WIPF1: variants seen among roughly 807,000 people sequenced by gnomAD.
WIPF1 encodes the protein WAS/WASL-interacting protein family member 1.
Under a neutral mutation model 35.4 loss-of-function variants are expected in WIPF1, and 13 were observed. The ratio of observed to expected loss-of-function variants is 0.37; its 90% CI spans 0.24 to 0.58. WIPF1 has a LOEUF of 0.58. WIPF1 is among the 20% of genes least tolerant of loss of function. WIPF1 has a pLI of 0.74. For missense variants in WIPF1, 591 were observed against 667.0 expected (o/e 0.89, Z 1.25); for synonymous variants, 267 against 266.3 (o/e 1.00, Z -0.02).
chr2:174,682,632 G>A (rs1474783353), intron 1 of WIPF1: 1 of 151,198 alleles, frequency 6.6e-6, no homozygotes, highest in Admixed American at 6.6e-5. Context: ...ACGCGGCCTC[G>A]ACGTCCCCAG....
At chr2:174,652,182 C>T (rs976047871) in intron 1 of WIPF1, among the ~76,000 whole-genome samples, 1 of 152,208 alleles carries the variant, frequency 6.6e-6, no homozygotes, top group Non-Finnish European at 1.5e-5. Flanking sequence ...AACCTCTCCC[C>T]CATCACATTT....
chr2:174,657,958 CT>C (rs1302701888), intron 1 of WIPF1, among the ~76,000 whole-genome samples: 3 of 144,732 alleles, frequency 2.1e-5, no homozygotes, highest in Non-Finnish European at 4.6e-5. Flanking sequence ...ATTTCCTATT[CT>C]TTTTTTTCTC....
chr2:174,562,449 A>C lies in WIPF1; in HGVS notation c.*98T>G, dbSNP rs1335216315. Reference sequence around the variant, plus strand: ...CCCTCCCACCTTTCCTCCTGCCCATACATGAGGCACAAGGGAAGAAGCAGG... The same window carrying C: ...CCCTCCCACCTTTCCTCCTGCCCATCCATGAGGCACAAGGGAAGAAGCAGG... On this transcript the variant is annotated 3_prime_UTR_variant, in exon 8 of 8. Coordinates refer to ENST00000679041, the MANE Select transcript of WIPF1 (RefSeq NM_001375834.1). 11 of 1,592,286 alleles carry C rather than the reference A, an allele frequency of 6.9e-6. No individual in the cohort carries two copies. The highest frequency in any genetic ancestry group is 9.4e-6 in the Non-Finnish European group (11 of 1,168,540).
chr2:174,596,696 T>C (rs1194682312), intron 1 of WIPF1, among the ~76,000 whole-genome samples: 2 of 152,148 alleles, frequency 1.3e-5, no homozygotes, highest in Non-Finnish European at 2.9e-5. Flanking sequence ...GAGACCAGCC[T>C]GACCAACATG....
chr2:174,581,829 TC>T (rs1685251016), intron 2 of WIPF1, among the ~76,000 whole-genome samples: 1 of 152,132 alleles, frequency 6.6e-6, no homozygotes, highest in Admixed American at 6.5e-5. Flanking sequence ...AAGAATAACT[TC>T]CTTTTCCCAT....
intron 1 of WIPF1, among the ~76,000 whole-genome samples, chr2:174,613,230 C>G (rs1009561439): frequency 1.1e-4 from 16 of 152,210 alleles, no homozygotes; most frequent in Non-Finnish European, 1.5e-4. Flanking sequence ...GACCAAAGTT[C>G]CCAGAAATCA....
intron 1 of WIPF1, among the ~76,000 whole-genome samples, chr2:174,633,701 C>T (rs1405157476): frequency 2.0e-5 from 3 of 152,220 alleles, no homozygotes; most frequent in Non-Finnish European, 4.4e-5. Flanking sequence ...GGCTGCTTCC[C>T]AACCCTCTAG....
At chr2:174,610,557 A>T (rs1479281400) in intron 1 of WIPF1, among the ~76,000 whole-genome samples, 2 of 152,210 alleles carry the variant, frequency 1.3e-5, no homozygotes, top group Non-Finnish European at 2.9e-5. Flanking sequence ...GTAGAAAAAA[A>T]ATATAAATGG....
At chr2:174,570,304 T>C (rs1684786442) in intron 5 of WIPF1, 1 of 152,220 alleles carries the variant, frequency 6.6e-6, no homozygotes, top group African/African-American at 2.4e-5. Flanking sequence ...TGTAAAAACA[T>C]GCATTTTAAA....
At chr2:174,568,320 C>A (rs753110835) in intron 5 of WIPF1, among the ~76,000 whole-genome samples, 6 of 152,112 alleles carry the variant, frequency 3.9e-5, no homozygotes, top group Non-Finnish European at 4.4e-5. Context: ...AATTAGCACT[C>A]AGATTGGAGA....
intron 1 of WIPF1, among the ~76,000 whole-genome samples, chr2:174,674,807 G>A (rs11904253): frequency 0.048 from 7,283 of 152,126 alleles, 584 homozygotes; most frequent in African/African-American, 0.16. Flanking sequence ...TAGTGTCAGT[G>A]AGACTGTGAA....
chr2:174,680,779 C>T (rs7564326), intron 1 of WIPF1, among the ~76,000 whole-genome samples: 47,144 of 151,992 alleles, frequency 0.31, 7,725 homozygotes, highest in African/African-American at 0.38. Flanking sequence ...TTATAGCTTT[C>T]GTGTCTTGGT....
At position 174,625,887 on chromosome 2, in the gene WIPF1, T is replaced by C. The variant is rs916027283; in HGVS notation, c.-38-40276A>G. On this transcript the variant is annotated intron_variant, in intron 1 of 8. Transcript: ENST00000272746. ...TGAATGAAGATAATTTGAAGTTGCA[T>C]ATTTCGATCCATAGTTGGCTGAACC... 3.3e-5 allele frequency: 5 copies of C among 152,352 alleles called. No individual in the cohort carries two copies. The South Asian group carries it at 1.0e-3, about 32-fold the overall frequency. 9.4% of individuals were successfully genotyped at this position (152,352 alleles called of 1,614,324 possible).
At chr2:174,640,024 T>C (rs1687265055) in intron 1 of WIPF1, among the ~76,000 whole-genome samples, 1 of 152,034 alleles carries the variant, frequency 6.6e-6, no homozygotes, top group Non-Finnish European at 1.5e-5. Flanking sequence ...TGATCTTAGA[T>C]ATAGAAAACC....
Position 174,561,994 on chromosome 2 carries a change from T to C in WIPF1, c.*553A>G. On this transcript the variant is annotated 3_prime_UTR_variant, in exon 8 of 8. Coordinates refer to ENST00000679041, the MANE Select transcript of WIPF1 (RefSeq NM_001375834.1). ...TTAAAATATATTAGAAATGTAAAAA[T>C]TGTATATGGGGCTCACATTATATTT... The C allele has an allele frequency of 7.1e-7, 1 of 1,410,288 alleles. No individual in the cohort carries two copies. The highest frequency in any genetic ancestry group is 2.3e-5 in the Admixed American group (1 of 44,180). 87.4% of individuals were successfully genotyped at this position (1,410,288 alleles called of 1,614,324 possible).
chr2:174,606,969 G>A (rs1255909144), intron 1 of WIPF1, among the ~76,000 whole-genome samples: 5 of 152,302 alleles, frequency 3.3e-5, no homozygotes, highest in South Asian at 2.1e-4. Flanking sequence ...CCTTCTTGCC[G>A]TGTCATTACC....
chr2:174,575,579 G>A (rs1685032244), intron 3 of WIPF1, 199 bp from the exon 4 acceptor site: 6 of 891,368 alleles, frequency 6.7e-6, no homozygotes, highest in Non-Finnish European at 9.5e-6. Flanking sequence ...GCCCAGTGGT[G>A]GAAGAAACGA....
intron 1 of WIPF1, among the ~76,000 whole-genome samples, chr2:174,616,223 G>A (rs1177421428): frequency 6.6e-6 from 1 of 152,162 alleles, no homozygotes; most frequent in Admixed American, 6.5e-5. Flanking sequence ...TTACACACAT[G>A]CAGGCAAACT....
At chr2:174,669,274 A>G (rs575464227) in intron 1 of WIPF1, among the ~76,000 whole-genome samples, 1 of 152,330 alleles carries the variant, frequency 6.6e-6, no homozygotes, top group Non-Finnish European at 1.5e-5. Flanking sequence ...CTGAGAAATA[A>G]GTAAAATTTT....
Sources: allele counts gnomAD v4.1 joint callset (sites outside exome capture counted in the v4.1 genomes callset), GRCh38; gene constraint gnomAD v4.1.1; transcripts MANE v1.5; gene names NCBI Gene and HGNC (gene_info 2026-07-23, HGNC 2026-07-21).